The following SPINT2 variants were observed in gnomAD, a reference collection of about 807,000 sequenced individuals.
SPINT2 encodes the protein kunitz-type protease inhibitor 2.
In SPINT2, 18 loss-of-function variants were observed where a neutral mutation model predicts 30.1. The ratio of observed to expected loss-of-function variants is 0.60; its 90% confidence interval spans 0.41 to 0.89. SPINT2 has a LOEUF of 0.89. SPINT2 is among the 40% of genes least tolerant of loss of function. SPINT2 has a pLI of 0.00. For missense variants in SPINT2, 276 were observed against 334.3 expected, an observed-to-expected ratio of 0.83 and a Z score of 1.36; for synonymous variants, 139 against 137.9, an observed-to-expected ratio of 1.01 and a Z score of -0.05.
Position 38,290,327 on chromosome 19 carries a change from C to T in SPINT2, c.553+47C>T, listed in dbSNP as rs761502615. The stretch of plus-strand genomic sequence containing the variant: ...CCAGGAAGCCCTGCCCTTGAGGACC[C>T]CGGTCCATCTCCCCATCCCTAAAAT... On this transcript the variant is annotated intron_variant, in intron 5 of 6. Transcript: ENST00000301244. The surrounding 1 kb of genome is among the most constrained non-coding windows in gnomAD (Gnocchi z 4.3). 7 of 1,600,666 alleles carry T rather than the reference C, an allele frequency of 4.4e-6. No homozygotes were observed. The highest frequency in any genetic ancestry group is 6.0e-6 in the Non-Finnish European group (7 of 1,174,518).
At position 38,289,186 on chromosome 19, in the gene SPINT2, A is replaced by T; in HGVS notation, c.386A>T (p.Tyr129Phe). Residue 129 changes from tyrosine (Y) to phenylalanine (F), a missense_variant, in exon 4 of 7, where the codon TAT (tyrosine) becomes TTT (phenylalanine). Coordinates refer to ENST00000301244, the MANE Select transcript of SPINT2 (RefSeq NM_021102.4). ...SEDHSSDMFNYEEYCTANAVT... is the reference protein window; with the variant it reads ...SEDHSSDMFNFEEYCTANAVT... ...GACCACTCCAGCGATATGTTCAACT[A>T]TGAAGGTAAAACTCCAAAGAGGCCA... 6.2e-7 allele frequency: 1 copy of T among 1,613,922 alleles called. No homozygotes were observed. The highest frequency in any genetic ancestry group is 1.7e-5 in the Admixed American group (1 of 60,016).
chr19:38,268,766 C>CGCGCGTGTGTGTGT (rs375982086), intron 1 of SPINT2, among the ~76,000 whole-genome samples: 69 of 149,920 alleles, frequency 4.6e-4, no homozygotes, highest in Admixed American at 5.3e-4. Flanking sequence ...TGCGCGCGCG[C>CGCGCGTGTGTGTGT]GTGTGTGTGT....
At chr19:38,268,766 C>CGCGTGT (rs375982086) in intron 1 of SPINT2, among the ~76,000 whole-genome samples, 4 of 149,922 alleles carry the variant, frequency 2.7e-5, no homozygotes, top group East Asian at 2.0e-4. Context: ...TGCGCGCGCG[C>CGCGTGT]GTGTGTGTGT....
At chr19:38,270,605 G>T (rs1026267528) in intron 1 of SPINT2, among the ~76,000 whole-genome samples, 1 of 152,220 alleles carries the variant, frequency 6.6e-6, no homozygotes, top group African/African-American at 2.4e-5. Flanking sequence ...CCTAAAGAAG[G>T]TTGAGGGCCT....
chr19:38,287,167 G>A (rs986015048), intron 2 of SPINT2, among the ~76,000 whole-genome samples: 4 of 152,090 alleles, frequency 2.6e-5, no homozygotes, highest in African/African-American at 9.7e-5. Flanking sequence ...GGGATTACAG[G>A]CATCTGCCAT....
chr19:38,264,622 G>C lies in SPINT2; in HGVS notation c.-271G>C, dbSNP rs566814422. ...GCGTTGGGAGGTGTAGCGCGGCTCT[G>C]AACGCGCTGAGGGCCGTTGAGTGTC... On this transcript the variant is annotated 5_prime_UTR_variant, in exon 1 of 7. Coordinates refer to ENST00000301244, the MANE Select transcript of SPINT2 (RefSeq NM_021102.4). 2.1e-6 allele frequency: 1 copy of C among 471,034 alleles called. No homozygotes were observed. Among genetic ancestry groups the C allele is most frequent in the African/African-American group, 2.1e-5 (1 of 47,742 alleles). 29.2% of individuals were successfully genotyped at this position (471,034 alleles called of 1,614,324 possible). A position where few individuals can be genotyped will look rare whatever the true frequency, so the allele number is the denominator to read the frequency against.
At chr19:38,277,411 A>AT (rs113476454) in intron 1 of SPINT2, among the ~76,000 whole-genome samples, 3,762 of 151,756 alleles carry the variant, frequency 0.025, 76 homozygotes, top group East Asian at 0.098. Context: ...CACCCGGCTC[A>AT]TTTTTTTTGT....
At chr19:38,291,638 T>A in intron 6 of SPINT2, 2 of 616,604 alleles carry the variant, frequency 3.2e-6, no homozygotes, top group East Asian at 2.8e-5. Flanking sequence ...GCATGGCGCC[T>A]CCTTTTTTGG....
At chr19:38,274,311 TTTTC>T (rs1417090917) in intron 1 of SPINT2, among the ~76,000 whole-genome samples, 2 of 151,994 alleles carry the variant, frequency 1.3e-5, no homozygotes, top group East Asian at 1.9e-4. Flanking sequence ...CAACAATGTT[TTTTC>T]TTTCTTTTTT....
At chr19:38,287,476 C>T (rs781527316) in intron 2 of SPINT2, among the ~76,000 whole-genome samples, 4 of 152,154 alleles carry the variant, frequency 2.6e-5, no homozygotes, top group Non-Finnish European at 4.4e-5. Context: ...GGATTACAGG[C>T]GTAAGCCACC....
chr19:38,277,393 CA>C (rs1180424210), intron 1 of SPINT2, among the ~76,000 whole-genome samples: 4 of 151,578 alleles, frequency 2.6e-5, no homozygotes, highest in Non-Finnish European at 5.9e-5. Flanking sequence ...TGCAGGTGCA[CA>C]CCACCACACC....
intron 1 of SPINT2, 55 bp downstream of exon 1, chr19:38,265,053 G>T: frequency 2.2e-6 from 3 of 1,389,916 alleles, no homozygotes; most frequent in South Asian, 2.6e-5. Context: ...AGGCTCGGGG[G>T]TCAACGGGGG....
intron 4 of SPINT2, chr19:38,289,893 A>G (rs2146279563): frequency 3.3e-6 from 2 of 599,134 alleles, no homozygotes; most frequent in East Asian, 2.9e-5. Flanking sequence ...GGCCTAGAAC[A>G]GGGCTTGGCA....
intron 4 of SPINT2, chr19:38,289,898 T>G: frequency 4.9e-6 from 3 of 609,310 alleles, no homozygotes; most frequent in Non-Finnish European, 8.8e-6. Flanking sequence ...AGAACAGGGC[T>G]TGGCAGAGAG....
At chr19:38,265,093 A>C in intron 1 of SPINT2, 95 bp downstream of exon 1, 13 of 948,018 alleles carry the variant, frequency 1.4e-5, no homozygotes, top group African/African-American at 3.5e-5. Flanking sequence ...CGGGGGAGGA[A>C]ACTGGGGGCT....
At chr19:38,285,261 G>A (rs1299097224) in intron 2 of SPINT2, among the ~76,000 whole-genome samples, 1 of 152,198 alleles carries the variant, frequency 6.6e-6, no homozygotes, top group East Asian at 1.9e-4. Context: ...GAGAGCTGGT[G>A]GTGATGAGAC....
intron 2 of SPINT2, 53 bp from the exon 3 acceptor site, chr19:38,287,823 C>T (rs1168456309): frequency 1.5e-5 from 24 of 1,600,844 alleles, no homozygotes; most frequent in Non-Finnish European, 2.0e-5. Flanking sequence ...TTCTTTGTCC[C>T]TGGCAGTCTC....
intron 1 of SPINT2, among the ~76,000 whole-genome samples, chr19:38,271,182 T>C (rs1968450751): frequency 6.6e-6 from 1 of 152,116 alleles, no homozygotes; most frequent in Non-Finnish European, 1.5e-5. Flanking sequence ...CTTTTTATGA[T>C]TAGAAGCCAT....
intron 1 of SPINT2, among the ~76,000 whole-genome samples, chr19:38,278,036 C>G (rs180715559): frequency 1.3e-5 from 2 of 152,282 alleles, no homozygotes; most frequent in Admixed American, 6.5e-5. Flanking sequence ...TATTCTAAGA[C>G]CAACATAGCA....
Sources: gnomAD v4.1 joint callset for allele counts (sites outside exome capture counted in the v4.1 genomes callset) on GRCh38, gnomAD v4.1.1 for gene constraint, Gnocchi (gnomAD v3.1) non-coding constraint, MANE v1.5 for transcripts, NCBI Gene and HGNC (gene_info 2026-07-23, HGNC 2026-07-21) for gene names.